The following UNC13C variants were observed in gnomAD, a reference collection of about 807,000 sequenced individuals.
UNC13C encodes the protein unc-13 homolog C, also known as protein unc-13 homolog C.
A neutral mutation model predicts 245.4 loss-of-function variants in UNC13C; 174 were observed. That is an observed-to-expected ratio of 0.71 (90% CI 0.63 to 0.80). The LOEUF is 0.80. Among genes scored for constraint, UNC13C ranks in the 30% least tolerant of loss-of-function variants. UNC13C has a pLI of 0.00. For synonymous variants in UNC13C, 992 were observed against 895.1 expected, an observed-to-expected ratio of 1.11 and a Z score of -1.93; for missense variants, 2,829 against 2,602.9, an observed-to-expected ratio of 1.09 and a Z score of -1.89.
intron 19 of UNC13C, among the ~76,000 whole-genome samples, chr15:54,430,198 C>T (rs1596363632): frequency 2.0e-5 from 3 of 151,694 alleles, no homozygotes; most frequent in African/African-American, 7.2e-5. Flanking sequence ...GCTATTCATT[C>T]TATTTTTTAA....
chr15:54,540,895 T>C (rs1041726087), intron 26 of UNC13C, among the ~76,000 whole-genome samples: 3 of 152,064 alleles, frequency 2.0e-5, no homozygotes, highest in Non-Finnish European at 4.4e-5. Flanking sequence ...AAAGTGGAAA[T>C]TGTACATCTG....
At chr15:53,913,802 A>C in the UNC13C span, 1 of 152,212 alleles carries the variant, frequency 6.6e-6, no homozygotes, top group Non-Finnish European at 1.5e-5. Context: ...GCATTCTCCC[A>C]TTCCTAATAG....
intron 30 of UNC13C, among the ~76,000 whole-genome samples, chr15:54,594,922 C>G (rs1191138842): frequency 6.6e-6 from 1 of 152,214 alleles, no homozygotes; most frequent in Non-Finnish European, 1.5e-5. Flanking sequence ...GAGGCTTGCT[C>G]ACGGCCCAGA....
the UNC13C span, among the ~76,000 whole-genome samples, chr15:53,845,541 C>G: frequency 6.6e-6 from 1 of 152,066 alleles, no homozygotes; most frequent in Non-Finnish European, 1.5e-5. Context: ...ATATTATTTC[C>G]TTATGCATTC....
intron 2 of UNC13C, among the ~76,000 whole-genome samples, chr15:54,056,771 A>G (rs1897548212): frequency 6.6e-6 from 1 of 152,196 alleles, no homozygotes; most frequent in Non-Finnish European, 1.5e-5. Flanking sequence ...CTCGGCAGAA[A>G]CTCTACAAGC....
At chr15:53,897,076 T>C in the UNC13C span, among the ~76,000 whole-genome samples, 1 of 152,240 alleles carries the variant, frequency 6.6e-6, no homozygotes, top group African/African-American at 2.4e-5. Flanking sequence ...TGAACCCTGC[T>C]TTCCTCCCTC....
chr15:54,462,686 C>T (rs745469186), intron 19 of UNC13C, among the ~76,000 whole-genome samples: 3 of 152,226 alleles, frequency 2.0e-5, no homozygotes, highest in Non-Finnish European at 2.9e-5. Context: ...TCAGCCACCT[C>T]CCCAGGGGCA....
At chr15:54,409,690 T>C (rs2040378755) in intron 18 of UNC13C, among the ~76,000 whole-genome samples, 1 of 152,212 alleles carries the variant, frequency 6.6e-6, no homozygotes, top group African/African-American at 2.4e-5. Context: ...CCATCCACGT[T>C]GCTGCAAAGG....
chr15:54,610,051 G>T (rs189186441), intron 30 of UNC13C, among the ~76,000 whole-genome samples: 2 of 152,074 alleles, frequency 1.3e-5, no homozygotes, highest in Admixed American at 1.3e-4. Context: ...TATGGGAACC[G>T]CAATTCAAGA....
the UNC13C span, among the ~76,000 whole-genome samples, chr15:53,839,801 C>T: frequency 2.0e-5 from 3 of 151,944 alleles, no homozygotes; most frequent in Middle Eastern, 6.8e-3. Flanking sequence ...GTTATATATA[C>T]TATTTTGGTT....
intron 19 of UNC13C, among the ~76,000 whole-genome samples, chr15:54,438,851 A>T (rs984112990): frequency 2.0e-5 from 3 of 151,958 alleles, no homozygotes; most frequent in African/African-American, 7.2e-5. Context: ...TCGCTAAGTA[A>T]CATTAAGTTC....
At chr15:54,237,563 G>A in intron 6 of UNC13C, 56 bp from the exon 7 acceptor site, 1 of 1,301,876 alleles carries the variant, frequency 7.7e-7, no homozygotes, top group Non-Finnish European at 1.1e-6. Flanking sequence ...CTGCTGAGCA[G>A]TATATGCACG....
intron 19 of UNC13C, among the ~76,000 whole-genome samples, chr15:54,493,468 G>A (rs1337483356): frequency 6.6e-6 from 1 of 151,924 alleles, no homozygotes; most frequent in Admixed American, 6.6e-5. Flanking sequence ...ATTTGGAAAT[G>A]TTTGACCTGG....
rs1207158247 is a variant in UNC13C, at chr15:54,047,825, A to G, written c.2983+31939A>G. On this transcript the variant is annotated intron_variant, in intron 2 of 32. Transcript: ENST00000260323. ...AGAGGTCAAATAGAAATTAATAATAACATACATTTTTAAATAGTTCAATGT... is the reference window on the plus strand; with the variant it reads ...AGAGGTCAAATAGAAATTAATAATAGCATACATTTTTAAATAGTTCAATGT... Among the ~76,000 whole-genome samples the G allele has an allele frequency of 2.6e-5, 4 of 152,312 alleles. No individual in the cohort carries two copies. The South Asian group carries it at 6.2e-4, about 24-fold the overall frequency.
intron 17 of UNC13C, among the ~76,000 whole-genome samples, chr15:54,374,187 G>T (rs2039554753): frequency 6.6e-6 from 1 of 152,168 alleles, no homozygotes; most frequent in African/African-American, 2.4e-5. Flanking sequence ...GTGGCTATGA[G>T]AGGGCCCAGA....
chr15:54,546,982 C>G (rs144176373), intron 27 of UNC13C, 137 bp downstream of exon 27: 6 of 794,870 alleles, frequency 7.5e-6, no homozygotes, highest in Non-Finnish European at 1.2e-5. Context: ...TAACAATGAT[C>G]ATTCAAATGA....
intron 7 of UNC13C, among the ~76,000 whole-genome samples, chr15:54,240,639 C>T (rs1425452870): frequency 1.3e-5 from 2 of 152,124 alleles, no homozygotes; most frequent in Admixed American, 1.3e-4. Flanking sequence ...TCGCCAGTGC[C>T]CCCATCCATC....
At chr15:54,444,936 G>A (rs1229545390) in intron 19 of UNC13C, among the ~76,000 whole-genome samples, 4 of 151,200 alleles carry the variant, frequency 2.6e-5, no homozygotes, top group Non-Finnish European at 5.9e-5. Context: ...CTTTACATTA[G>A]GTATATCTCC....
intron 19 of UNC13C, among the ~76,000 whole-genome samples, chr15:54,432,767 A>T (rs1314910740): frequency 6.6e-6 from 1 of 152,058 alleles, no homozygotes; most frequent in African/African-American, 2.4e-5. Context: ...ACTGAAGGAG[A>T]TGGAGACATG....
Sources: allele counts gnomAD v4.1 joint callset (sites outside exome capture counted in the v4.1 genomes callset), GRCh38; gene constraint gnomAD v4.1.1; transcripts MANE v1.5; gene names NCBI Gene and HGNC (gene_info 2026-07-23, HGNC 2026-07-21).